Variants in PCDHA2 observed in about 807,000 individuals in gnomAD.
PCDHA2 encodes protocadherin alpha-2.
A neutral mutation model predicts 66.0 loss-of-function variants in PCDHA2; 58 were observed. The ratio of observed to expected loss-of-function variants is 0.88; its 90% CI spans 0.71 to 1.09. The LOEUF is 1.09. Ranked by LOEUF, PCDHA2 falls within the 50% of genes least tolerant of loss-of-function variation. PCDHA2 has a pLI of 0.00. For missense variants in PCDHA2, 1,267 were observed against 1,242.3 expected (o/e 1.02, Z -0.30); for synonymous variants, 634 against 554.0 (o/e 1.14, Z -2.03).
intron 1 of PCDHA2, among the ~76,000 whole-genome samples, chr5:140,939,868 T>C (rs868982739): frequency 2.6e-5 from 4 of 152,340 alleles, no homozygotes; most frequent in Middle Eastern, 6.8e-3. Flanking sequence ...CATTAGGTCA[T>C]CTTTGCTAGT....
At chr5:140,987,269 G>A (rs1442679377) in intron 3 of PCDHA2, among the ~76,000 whole-genome samples, 8 of 151,806 alleles carry the variant, frequency 5.3e-5, no homozygotes, top group African/African-American at 9.7e-5. Flanking sequence ...AATGGGACCC[G>A]GCAGTCTATG....
chr5:140,898,765 G>C (rs1336398509), intron 1 of PCDHA2, among the ~76,000 whole-genome samples: 1 of 151,640 alleles, frequency 6.6e-6, no homozygotes, highest in African/African-American at 2.4e-5. Context: ...CATTGAATCT[G>C]TAAATTACCT....
At chr5:140,816,574 A>G (rs1442058742) in intron 1 of PCDHA2, 2 of 150,942 alleles carry the variant, frequency 1.3e-5, no homozygotes, top group African/African-American at 4.9e-5. Context: ...CTGTTTTCTC[A>G]TATTCCTTAT....
intron 1 of PCDHA2, among the ~76,000 whole-genome samples, chr5:140,973,960 T>C (rs2096609185): frequency 6.6e-6 from 1 of 152,248 alleles, no homozygotes; most frequent in African/African-American, 2.4e-5. Flanking sequence ...TTTACAGGTG[T>C]CTTTAAATGT....
intron 1 of PCDHA2, chr5:140,884,750 A>T (rs1032518651): frequency 8.1e-5 from 116 of 1,431,120 alleles, no homozygotes; most frequent in Non-Finnish European, 1.2e-5. Context: ...TGCCAATTTC[A>T]AATTATTCTT....
chr5:140,828,284 A>G (rs2150153622), intron 1 of PCDHA2: 2 of 1,614,076 alleles, frequency 1.2e-6, no homozygotes, highest in African/African-American at 2.7e-5. Flanking sequence ...GCGCCTGTTC[A>G]GGATGGCCTC....
chr5:140,943,302 A>G, intron 1 of PCDHA2, among the ~76,000 whole-genome samples: 1 of 151,674 alleles, frequency 6.6e-6, no homozygotes, highest in Non-Finnish European at 1.5e-5. Context: ...AATTTTGGGA[A>G]GTCATTATTA....
At chr5:140,969,578 G>A (rs2096343344) in intron 1 of PCDHA2, 2 of 957,378 alleles carry the variant, frequency 2.1e-6, no homozygotes, top group Admixed American at 5.9e-5. Context: ...TGAGAAGTGA[G>A]GATTAGTCTT....
rs1247026957 is a variant in PCDHA2, at chr5:140,805,577, G to T, written c.2388+8225G>T. On this transcript the variant is annotated intron_variant, in intron 1 of 3. Transcript: ENST00000526136. ...AGGAGGCAAGGAAAGTTTTTAAATG[G>T]CTACCATTATGTCTTTATATATTAA... The T allele has an allele frequency of 4.2e-6, 4 of 949,748 alleles. No individual in the cohort carries two copies. The African/African-American group carries it at 5.3e-5, about 13-fold the overall frequency. 58.8% of individuals were successfully genotyped at this position (949,748 alleles called of 1,614,324 possible). A position where few individuals can be genotyped will look rare whatever the true frequency, so the allele number is the denominator to read the frequency against.
At chr5:140,817,694 A>G (rs1766179696) in intron 1 of PCDHA2, 1 of 152,184 alleles carries the variant, frequency 6.6e-6, no homozygotes, top group South Asian at 2.1e-4. Context: ...CACACAGTAC[A>G]TTATTATCAT....
intron 1 of PCDHA2, chr5:140,811,442 T>TATTGTGA (rs1436350910): frequency 1.3e-5 from 2 of 152,262 alleles, no homozygotes; most frequent in Admixed American, 1.3e-4. Context: ...AAGTCTTTGC[T>TATTGTGA]ATTGTGAATA....
In PCDHA2 at chr5:140,835,789, C is replaced by T. The variant is rs2150244748; in HGVS notation, c.2388+38437C>T. The T allele has an allele frequency of 6.8e-6, 11 of 1,612,988 alleles. No individual in the cohort carries two copies. The South Asian group carries it at 9.9e-5, about 14-fold the overall frequency. ...ACGGTGTTCGTGAAGGAGAACAACC[C>T]GCCGGGCTGCCACATCTTCACTGTG... On this transcript the variant is annotated intron_variant, in intron 1 of 3. Transcript: ENST00000526136.
chr5:140,879,908 T>G (rs1468115653), intron 1 of PCDHA2, among the ~76,000 whole-genome samples: 2 of 152,218 alleles, frequency 1.3e-5, no homozygotes, highest in Non-Finnish European at 2.9e-5. Context: ...TCTCTCTATG[T>G]GTTGGTTTTA....
chr5:140,853,719 C>T lies in PCDHA2; in HGVS notation c.2388+56367C>T, dbSNP rs2042844142. 3 of 988,390 alleles carry T rather than the reference C, an allele frequency of 3.0e-6. 1 individual carries two copies. Among genetic ancestry groups the T allele is most frequent in the Non-Finnish European group, 3.7e-6 (3 of 820,332 alleles). The allele number at this position is 988,390 out of a possible 1,614,324, so 61.2% of individuals were successfully genotyped here. Reference sequence around the variant, plus strand: ...GCTAACGCATTAGCATTAGCAGCACCTAAGTCCTCATTGAATGTTCTGGTT... The same window carrying T: ...GCTAACGCATTAGCATTAGCAGCACTTAAGTCCTCATTGAATGTTCTGGTT... On this transcript the variant is annotated intron_variant, in intron 1 of 3. Coordinates refer to ENST00000526136, the MANE Select transcript of PCDHA2 (RefSeq NM_018905.3).
intron 1 of PCDHA2, among the ~76,000 whole-genome samples, chr5:140,890,509 A>G (rs1448258191): frequency 6.6e-6 from 1 of 151,802 alleles, no homozygotes; most frequent in African/African-American, 2.4e-5. Flanking sequence ...TTATGTCTCT[A>G]TTTCCTTCCT....
intron 3 of PCDHA2, among the ~76,000 whole-genome samples, chr5:141,008,000 TA>T (rs2098355741): frequency 6.6e-6 from 1 of 152,264 alleles, no homozygotes; most frequent in Non-Finnish European, 1.5e-5. Context: ...TACATGTTAA[TA>T]AACTTCTGTT....
Position 140,796,333 on chromosome 5 carries a change from C to T in PCDHA2, c.1369C>T (p.Gln457Ter). ...DVNDNAPAFA[Q>*]PEYTVFVKEN... ...GAACGACAACGCGCCGGCGTTCGCA[C>T]AGCCTGAGTACACAGTATTCGTGAA... is the stretch of plus-strand genomic sequence containing the variant. The change falls in exon 1 of 4, where the codon CAG (glutamine) becomes TAG (stop). Residue 457 changes from glutamine to a stop codon, truncating the protein, a stop_gained. Coordinates refer to ENST00000526136, the MANE Select transcript of PCDHA2 (RefSeq NM_018905.3). LOFTEE classifies it high-confidence loss of function. 3 of 1,610,138 alleles carry T rather than the reference C, an allele frequency of 1.9e-6. No homozygotes were observed. Among genetic ancestry groups the T allele is most frequent in the African/African-American group, 2.7e-5 (2 of 73,852 alleles).
chr5:140,906,050 G>T (rs560570961), intron 1 of PCDHA2, among the ~76,000 whole-genome samples: 2 of 152,268 alleles, frequency 1.3e-5, no homozygotes, highest in African/African-American at 4.8e-5. Flanking sequence ...TATTCTGGCT[G>T]CACTGGCAGC....
At chr5:140,961,690 C>T (rs573918307) in intron 1 of PCDHA2, among the ~76,000 whole-genome samples, 2 of 152,154 alleles carry the variant, frequency 1.3e-5, no homozygotes, top group African/African-American at 4.8e-5. Context: ...CGGAGTAGTC[C>T]TTAGTATGAA....
Sources: gnomAD v4.1 joint callset for allele counts (sites outside exome capture counted in the v4.1 genomes callset) on GRCh38, gnomAD v4.1.1 for gene constraint, MANE v1.5 for transcripts, NCBI Gene and HGNC (gene_info 2026-07-23, HGNC 2026-07-21) for gene names.